RIMBP2: variants seen among roughly 807,000 people sequenced by gnomAD.
RIMBP2 encodes RIMS binding protein 2, also known as RIMS-binding protein 2.
In RIMBP2, 48 loss-of-function variants were observed where a neutral mutation model predicts 118.6. The observed-to-expected ratio is 0.40, with a 90% CI of 0.32 to 0.51. The LOEUF is 0.51. Among genes scored for constraint, RIMBP2 ranks in the 20% least tolerant of loss-of-function variants. The probability of loss-of-function intolerance (pLI) is 0.41; values close to 1 mark genes in which losing one functional copy is unlikely to be tolerated. For synonymous variants in RIMBP2, 762 were observed against 742.9 expected (o/e 1.03, Z -0.42); for missense variants, 1,551 against 1,768.3 (o/e 0.88, Z 2.20).
At chr12:130,679,680 ACT>A (rs2064678697) in intron 1 of RIMBP2, among the ~76,000 whole-genome samples, 1 of 152,010 alleles carries the variant, frequency 6.6e-6, no homozygotes, top group Non-Finnish European at 1.5e-5. Context: ...AAAAACAAAC[ACT>A]CTGTACAAAA....
At chr12:130,657,190 G>A (rs1008315651) in intron 1 of RIMBP2, among the ~76,000 whole-genome samples, 1 of 152,190 alleles carries the variant, frequency 6.6e-6, no homozygotes, top group Non-Finnish European at 1.5e-5. Context: ...GTCACCACAC[G>A]TGGCCAAATT....
chr12:130,687,295 A>G (rs1342081464), intron 1 of RIMBP2, among the ~76,000 whole-genome samples: 2 of 152,194 alleles, frequency 1.3e-5, no homozygotes, highest in African/African-American at 4.8e-5. Context: ...CGAAAGATGT[A>G]TAAGTAAATC....
intron 4 of RIMBP2, among the ~76,000 whole-genome samples, chr12:130,500,549 CTT>C (rs778867615): frequency 1.3e-5 from 2 of 152,172 alleles, no homozygotes; most frequent in African/African-American, 4.8e-5. Flanking sequence ...GGCACGTTGT[CTT>C]TAGCTAAATT....
intron 1 of RIMBP2, among the ~76,000 whole-genome samples, chr12:130,697,395 C>T (rs560102449): frequency 1.1e-4 from 17 of 152,238 alleles, no homozygotes; most frequent in African/African-American, 3.1e-4. Flanking sequence ...TGGTGGTGGA[C>T]GCCTGTGGTC....
chr12:130,651,405 G>A (rs2063226826), intron 1 of RIMBP2: 1 of 152,306 alleles, frequency 6.6e-6, no homozygotes, highest in Admixed American at 6.5e-5. Flanking sequence ...TTCTTCCCAT[G>A]TGCAAGGCAG....
At chr12:130,598,169 T>A (rs1461521105) in intron 2 of RIMBP2, among the ~76,000 whole-genome samples, 3 of 152,204 alleles carry the variant, frequency 2.0e-5, no homozygotes, top group Non-Finnish European at 2.9e-5. Flanking sequence ...ACAGGCACAC[T>A]TGACAAAAGA....
intron 4 of RIMBP2, among the ~76,000 whole-genome samples, chr12:130,493,341 A>G (rs1349916921): frequency 6.6e-6 from 1 of 151,574 alleles, no homozygotes; most frequent in Non-Finnish European, 1.5e-5. Context: ...TTGAGATGGA[A>G]TCTCGCTCTG....
At position 130,684,300 on chromosome 12, in the gene RIMBP2, T is replaced by C. The variant is rs963798776; in HGVS notation, c.-352+31922A>G. On this transcript the variant is annotated intron_variant, in intron 1 of 22. Transcript: ENST00000690449. ...AACGTACATCTTAAATGCATTGGAC[T>C]GATGTTCCATGTCTCCCAAAAATGT... is the stretch of plus-strand genomic sequence containing the variant. 2.6e-5 allele frequency among the ~76,000 whole-genome samples: 4 copies of C among 152,192 alleles called. No individual in the cohort carries two copies. The East Asian group carries it at 7.7e-4, about 29-fold the overall frequency.
intron 19 of RIMBP2, among the ~76,000 whole-genome samples, chr12:130,408,219 G>A (rs11060866): frequency 0.031 from 4,764 of 152,276 alleles, 141 homozygotes; most frequent in South Asian, 0.11. Context: ...GCTCTGGGAA[G>A]GCCCCATAGA....
chr12:130,630,093 G>T (rs1219025654), intron 1 of RIMBP2, among the ~76,000 whole-genome samples: 4 of 151,014 alleles, frequency 2.6e-5, no homozygotes, highest in African/African-American at 9.7e-5. Flanking sequence ...GAATGAAAAA[G>T]ATAGTTGCTG....
intron 7 of RIMBP2, among the ~76,000 whole-genome samples, chr12:130,454,958 A>C (rs2137465982): frequency 6.6e-6 from 1 of 152,332 alleles, no homozygotes; most frequent in Middle Eastern, 3.4e-3. Flanking sequence ...TGACTGATAA[A>C]GGCAGGCCTA....
chr12:130,663,536 G>T (rs1408851039), intron 1 of RIMBP2, among the ~76,000 whole-genome samples: 3 of 151,640 alleles, frequency 2.0e-5, no homozygotes, highest in Admixed American at 6.6e-5. Flanking sequence ...ATAAATAGAT[G>T]ACTCACCAAA....
chr12:130,692,238 T>A (rs1315168732), intron 1 of RIMBP2, among the ~76,000 whole-genome samples: 1 of 152,116 alleles, frequency 6.6e-6, no homozygotes, highest in Non-Finnish European at 1.5e-5. Flanking sequence ...AGATGGCACC[T>A]TCACCTGCAC....
intron 6 of RIMBP2, among the ~76,000 whole-genome samples, chr12:130,468,487 C>T (rs756839655): frequency 3.9e-5 from 6 of 152,074 alleles, no homozygotes; most frequent in African/African-American, 1.4e-4. Flanking sequence ...TGGGAAAGGC[C>T]GTTCCTTCCA....
rs1566421811 is a variant in RIMBP2 at position 130,646,063 on chromosome 12, CTGCCTCTCCACCTCCCTCACCACT to C, written c.-351-17631_-351-17608del. ...GTTCCCTCTCCACCTCCCTCACCAC[CTGCCTCTCCACCTCCCTCACCACT>C]TCCCTCTCCACCTCCCTCTCCACCT... On this transcript the variant is annotated intron_variant, in intron 1 of 22. Coordinates refer to ENST00000690449, the MANE Select transcript of RIMBP2 (RefSeq NM_001393629.1). Among the ~76,000 whole-genome samples, 90 of 108,418 alleles carry C rather than the reference CTGCCTCTCCACCTCCCTCACCACT, an allele frequency of 8.3e-4. 2 individuals are homozygous for C. The highest frequency in any genetic ancestry group is 1.3e-3 in the Non-Finnish European group (65 of 48,650). The allele number at this position is 108,418 out of a possible 152,430, so 71.1% of individuals were successfully genotyped here.
In RIMBP2 at chr12:130,617,983, G is replaced by A. The variant is rs948103231; in HGVS notation, c.-217+10339C>T. Among the ~76,000 whole-genome samples, 1 of 96,042 alleles carries A rather than the reference G, an allele frequency of 1.0e-5. No individual in the cohort carries two copies. The highest frequency in any genetic ancestry group is 2.0e-5 in the Non-Finnish European group (1 of 49,918). The allele number at this position is 96,042 out of a possible 152,430, so 63.0% of individuals were successfully genotyped here. ...GAGGCGGGAGGATCACTTGAGCCCA[G>A]GAGTTTGAGACCAGCCTGGGCAACA... On this transcript the variant is annotated intron_variant, in intron 2 of 22. Coordinates refer to ENST00000690449, the MANE Select transcript of RIMBP2 (RefSeq NM_001393629.1). This position sits in a 1 kb window ranked among gnomAD's most constrained non-coding sequence, Gnocchi z 4.6.
chr12:130,440,410 T>TA (rs761547124), intron 11 of RIMBP2, among the ~76,000 whole-genome samples: 49 of 152,286 alleles, frequency 3.2e-4, no homozygotes, highest in Admixed American at 2.5e-3. Flanking sequence ...CCCTCCAGTT[T>TA]ACTTCCCACT....
At chr12:130,631,782 A>G (rs568125280) in intron 1 of RIMBP2, among the ~76,000 whole-genome samples, 44 of 152,312 alleles carry the variant, frequency 2.9e-4, no homozygotes, top group African/African-American at 1.0e-3. Context: ...GGGACTGGGT[A>G]TGGAAAGAAG....
chr12:130,606,459 G>C lies in RIMBP2; in HGVS notation c.-217+21863C>G, dbSNP rs1281855068. On this transcript the variant is annotated intron_variant, in intron 2 of 22. Coordinates refer to ENST00000690449, the MANE Select transcript of RIMBP2 (RefSeq NM_001393629.1). ...ACAGCTCCTCAGTTCCACGCAAGGA[G>C]GCAGGTCTTTAGGTGGCTGTCACCG... Among the ~76,000 whole-genome samples the C allele has an allele frequency of 5.9e-5, 9 of 152,346 alleles. No homozygotes were observed. The East Asian group carries it at 1.7e-3, about 29-fold the overall frequency.
Sources: allele counts gnomAD v4.1 joint callset (sites outside exome capture counted in the v4.1 genomes callset), GRCh38; gene constraint gnomAD v4.1.1; non-coding constraint Gnocchi (gnomAD v3.1); transcripts MANE v1.5; gene names NCBI Gene and HGNC (gene_info 2026-07-23, HGNC 2026-07-21).